The following CTBP2 variants were observed in gnomAD, a reference collection of about 807,000 sequenced individuals.
CTBP2 encodes C-terminal-binding protein 2.
Under a neutral mutation model 80.3 loss-of-function variants are expected in CTBP2, and 30 were observed. That is an observed-to-expected ratio of 0.37 (90% CI 0.28 to 0.51). The LOEUF is 0.51. Ranked by LOEUF, CTBP2 falls within the 20% of genes least tolerant of loss-of-function variation. CTBP2 has a pLI of 0.93. For missense variants in CTBP2, 1,212 were observed against 1,375.3 expected (o/e 0.88, Z 1.88); for synonymous variants, 594 against 587.4 (o/e 1.01, Z -0.16).
chr10:125,153,263 G>A (rs1049932124), intron 1 of CTBP2, among the ~76,000 whole-genome samples: 1 of 152,240 alleles, frequency 6.6e-6, no homozygotes. Flanking sequence ...CCTGCCCGCT[G>A]CTGGCGCTGG....
intron 1 of CTBP2, among the ~76,000 whole-genome samples, chr10:125,143,552 T>TA (rs1490525183): frequency 1.3e-5 from 2 of 152,188 alleles, no homozygotes; most frequent in Non-Finnish European, 2.9e-5. Flanking sequence ...ATGTCTAAAA[T>TA]ATTGTATACC....
chr10:124,993,645 C>T (rs561916550), intron 6 of CTBP2, among the ~76,000 whole-genome samples: 3 of 152,382 alleles, frequency 2.0e-5, no homozygotes, highest in South Asian at 2.1e-4. Flanking sequence ...TTTTCTGCCT[C>T]TCCTTTCCCT....
At chr10:125,148,341 A>T (rs2133365477) in intron 1 of CTBP2, among the ~76,000 whole-genome samples, 1 of 151,946 alleles carries the variant, frequency 6.6e-6, no homozygotes, top group African/African-American at 2.4e-5. Context: ...AGGTTGCAAA[A>T]CTCCCAGCTA....
chr10:125,016,920 G>T (rs193093906), intron 1 of CTBP2, among the ~76,000 whole-genome samples: 7 of 152,336 alleles, frequency 4.6e-5, no homozygotes, highest in African/African-American at 1.7e-4. Flanking sequence ...GTGGGGAAAC[G>T]TGTTGGGTTG....
At chr10:125,114,827 G>T (rs527843671) in intron 1 of CTBP2, among the ~76,000 whole-genome samples, 14 of 121,510 alleles carry the variant, frequency 1.2e-4, no homozygotes, top group African/African-American at 4.4e-4. Context: ...ACAGAGGCCA[G>T]GCGAGCAGCT....
chr10:124,999,858 C>T (rs758443535), intron 3 of CTBP2: 6 of 152,256 alleles, frequency 3.9e-5, no homozygotes, highest in East Asian at 3.9e-4. Flanking sequence ...TTTCATTCCT[C>T]GGGCAGGCTA....
At chr10:125,098,177 A>G (rs1249246381) in intron 2 of CTBP2, among the ~76,000 whole-genome samples, 1 of 152,200 alleles carries the variant, frequency 6.6e-6, no homozygotes, top group Non-Finnish European at 1.5e-5. Flanking sequence ...AGCAGTCAGT[A>G]ATCAATGTTC....
chr10:125,139,887 G>A (rs982070215), intron 1 of CTBP2, among the ~76,000 whole-genome samples: 4 of 152,186 alleles, frequency 2.6e-5, no homozygotes, highest in Non-Finnish European at 4.4e-5. Context: ...AAGGTCCCCA[G>A]ATCACCTTTC....
intron 1 of CTBP2, among the ~76,000 whole-genome samples, chr10:125,139,558 C>T (rs555619630): frequency 3.9e-5 from 6 of 152,120 alleles, no homozygotes; most frequent in Non-Finnish European, 5.9e-5. Flanking sequence ...GTTCATTAGC[C>T]CCTGTTTTTT....
Position 125,027,492 on chromosome 10 carries a change from T to C in CTBP2, c.268A>G (p.Thr90Ala). Residue 90 changes from threonine to alanine, a missense_variant, in exon 1 of 9, where the codon ACC becomes GCC. Transcript: ENST00000309035. ...ACTGCCTGTCTGCTGTCGTAGAAGGTGAAGTCAGGAGTAGACCCCTTTCTT... is the reference window on the plus strand; with the variant it reads ...ACTGCCTGTCTGCTGTCGTAGAAGGCGAAGTCAGGAGTAGACCCCTTTCTT... 4 of 1,614,106 alleles carry C rather than the reference T, an allele frequency of 2.5e-6. No individual in the cohort carries two copies. Among genetic ancestry groups the C allele is most frequent in the Non-Finnish European group, 3.4e-6 (4 of 1,180,024 alleles).
At chr10:125,083,182 C>T (rs919721045) in intron 2 of CTBP2, among the ~76,000 whole-genome samples, 6 of 152,192 alleles carry the variant, frequency 3.9e-5, no homozygotes, top group South Asian at 2.1e-4. Flanking sequence ...GCCTTCACGT[C>T]GCAAGTTTAC....
At chr10:125,151,840 G>C (rs1859961262) in intron 1 of CTBP2, among the ~76,000 whole-genome samples, 1 of 152,174 alleles carries the variant, frequency 6.6e-6, no homozygotes, top group South Asian at 2.1e-4. Flanking sequence ...CGTCTAGCTG[G>C]ACCCCCGCCG....
chr10:124,992,642 G>T, intron 8 of CTBP2, 53 bp downstream of exon 10: 1 of 1,361,522 alleles, frequency 7.3e-7, no homozygotes, highest in Non-Finnish European at 1.0e-6. Flanking sequence ...TCTCTCCCTG[G>T]CCCCGGGGCC....
intron 3 of CTBP2, chr10:125,001,219 G>A (rs1234264466): frequency 6.6e-6 from 1 of 152,312 alleles, no homozygotes; most frequent in African/African-American, 2.4e-5. Flanking sequence ...CTGGAAAGCA[G>A]CGTCTGGTCC....
intron 1 of CTBP2, among the ~76,000 whole-genome samples, chr10:125,119,138 C>G (rs1234574550): frequency 1.3e-5 from 2 of 152,226 alleles, no homozygotes; most frequent in Admixed American, 1.3e-4. Context: ...TATATATTTA[C>G]TATAGGCCCT....
chr10:125,160,199 C>T (rs1861706606), intron 1 of CTBP2, 120 bp downstream of exon 1: 2 of 145,308 alleles, frequency 1.4e-5, no homozygotes, highest in Non-Finnish European at 3.0e-5. Flanking sequence ...CGCCCTCTTC[C>T]TCCTCCTCCT....
intron 2 of CTBP2, among the ~76,000 whole-genome samples, chr10:125,084,459 C>A (rs1234681629): frequency 2.0e-5 from 3 of 152,202 alleles, no homozygotes; most frequent in Non-Finnish European, 4.4e-5. Context: ...CCAGGAGGGG[C>A]TGGCCTCTAG....
At chr10:125,082,831 C>T (rs551567197) in intron 2 of CTBP2, among the ~76,000 whole-genome samples, 2 of 152,228 alleles carry the variant, frequency 1.3e-5, no homozygotes, top group Admixed American at 6.5e-5. Flanking sequence ...TCAAATGATC[C>T]GCTCGCCTCG....
rs565398419 is a variant in CTBP2 at position 125,102,804 on chromosome 10, C to G, written c.-102+8186G>C. ...CCATGCTGGGTCCTTGAATTTGATA[C>G]AGAAGCCATCTGAGCTTTGTCTCGA... is the stretch of plus-strand genomic sequence containing the variant. On this transcript the variant is annotated intron_variant, in intron 2 of 10. Coordinates refer to the CTBP2 transcript ENST00000337195. 9.2e-5 allele frequency among the ~76,000 whole-genome samples: 14 copies of G among 152,318 alleles called. No individual in the cohort carries two copies. The East Asian group carries it at 2.7e-3, about 29-fold the overall frequency.
Sources: gnomAD v4.1 joint callset for allele counts (sites outside exome capture counted in the v4.1 genomes callset) on GRCh38, gnomAD v4.1.1 for gene constraint, MANE v1.5 for transcripts, NCBI Gene and HGNC (gene_info 2026-07-23, HGNC 2026-07-21) for gene names.